The following TUB variants were observed in gnomAD, a reference collection of about 807,000 sequenced individuals.
TUB encodes tubby protein homolog.
In TUB, 33 loss-of-function variants were observed where a neutral mutation model predicts 59.7. That is an observed-to-expected ratio of 0.55 (90% CI 0.42 to 0.74). The LOEUF (loss-of-function observed/expected upper bound fraction) is 0.74, where lower values mean the gene tolerates loss of function less well. Ranked by LOEUF, TUB falls within the 30% of genes least tolerant of loss-of-function variation. The pLI, the probability that TUB is intolerant of heterozygous loss-of-function variation, is 0.00. For synonymous variants in TUB, 293 were observed against 256.4 expected (o/e 1.14, Z -1.36); for missense variants, 659 against 672.0 (o/e 0.98, Z 0.21).
chr11:8,064,739 GT>G (rs1187524627), intron 2 of TUB, among the ~76,000 whole-genome samples: 1 of 152,220 alleles, frequency 6.6e-6, no homozygotes, highest in Non-Finnish European at 1.5e-5. Context: ...TGCCATGGCT[GT>G]TGCAGACAGG....
At chr11:8,041,950 C>T (rs923425787) in intron 2 of TUB, among the ~76,000 whole-genome samples, 2 of 152,166 alleles carry the variant, frequency 1.3e-5, no homozygotes, top group African/African-American at 2.4e-5. Context: ...AATTCCTCCA[C>T]AACTATTTCA....
intron 2 of TUB, among the ~76,000 whole-genome samples, chr11:8,064,021 C>T (rs987082047): frequency 5.3e-5 from 8 of 152,072 alleles, no homozygotes; most frequent in Admixed American, 1.3e-4. Flanking sequence ...TCATTTGTCC[C>T]ACAGGGATAT....
At chr11:8,080,279 C>G (rs1309940382), upstream of TUB, among the ~76,000 whole-genome samples, 4 of 152,238 alleles carry the variant, frequency 2.6e-5, no homozygotes, top group Non-Finnish European at 5.9e-5. Flanking sequence ...CAGACCTCTC[C>G]CGGATCACCT....
In TUB at chr11:8,100,830, A is replaced by T. The variant is rs1436787135; in HGVS notation, c.1220A>T (p.His407Leu). 1.2e-6 allele frequency: 2 copies of T among 1,613,884 alleles called. No individual in the cohort carries two copies. Among genetic ancestry groups the T allele is most frequent in the African/African-American group, 2.7e-5 (2 of 74,930 alleles). The change falls in exon 11 of 12, where the codon CAT becomes CTT. Residue 407 changes from histidine to leucine, a missense_variant. Physicochemically the swap from His to Leu is moderately conservative, Grantham distance 99. Transcript: ENST00000299506. The part of the protein sequence containing the change: ...ERVSIRPRNE[H>L]ETLLARWQNK... ...CAGGTGAGGCTGCCCTCCCAGGAGC[A>T]TGAGACACTGCTAGCACGCTGGCAG...
chr11:8,043,877 T>C (rs547975059), intron 2 of TUB, among the ~76,000 whole-genome samples: 2 of 152,324 alleles, frequency 1.3e-5, no homozygotes, highest in African/African-American at 4.8e-5. Flanking sequence ...TGTTCCTTTC[T>C]AATCTGGATG....
Position 8,062,255 on chromosome 11 carries a change from G to A in TUB, c.203+22563G>A, listed in dbSNP as rs1589942055. On this transcript the variant is annotated intron_variant, in intron 2 of 12. Coordinates refer to the TUB transcript ENST00000305253. ...CCGTAAGTATGGCCTGGGCAGGTGG[G>A]GGCCGCGGGCCCCCACTGCCCCACC... is the stretch of plus-strand genomic sequence containing the variant. 5.9e-5 allele frequency: 9 copies of A among 152,656 alleles called. 2 individuals carry two copies. The South Asian group carries it at 1.9e-3, about 32-fold the overall frequency. 9.5% of individuals were successfully genotyped at this position (152,656 alleles called of 1,614,324 possible). A position where few individuals can be genotyped will look rare whatever the true frequency, so the allele number is the denominator to read the frequency against.
chr11:8,021,069 A>G (rs4758270), intron 1 of TUB, among the ~76,000 whole-genome samples: 65,462 of 152,112 alleles, frequency 0.43, 15,076 homozygotes, highest in East Asian at 0.7. Flanking sequence ...AGACTTTGGA[A>G]TTAGATAACC....
At chr11:8,062,949 T>A (rs1348829451) in intron 2 of TUB, among the ~76,000 whole-genome samples, 1 of 152,124 alleles carries the variant, frequency 6.6e-6, no homozygotes, top group East Asian at 1.9e-4. Flanking sequence ...GACATACTCT[T>A]CGGTAACCTT....
chr11:8,095,772 A>G, intron 5 of TUB, 107 bp downstream of exon 5: 1 of 1,242,704 alleles, frequency 8.0e-7, no homozygotes, highest in Admixed American at 2.4e-5. Flanking sequence ...CCTCCCTGGC[A>G]ATGGTGGGTG....
chr11:8,082,443 C>A (rs1409902260), intron 1 of TUB, among the ~76,000 whole-genome samples: 1 of 152,164 alleles, frequency 6.6e-6, no homozygotes, highest in African/African-American at 2.4e-5. Flanking sequence ...ATTCTATTAC[C>A]AGGGAAGGGA....
upstream of TUB, among the ~76,000 whole-genome samples, chr11:8,034,838 T>C (rs1364701577): frequency 2.0e-5 from 3 of 152,166 alleles, no homozygotes; most frequent in Admixed American, 2.0e-4. Flanking sequence ...TATGACTCAC[T>C]ATCACCCTGT....
chr11:8,083,056 G>A (rs1172917282), intron 1 of TUB, among the ~76,000 whole-genome samples: 2 of 152,250 alleles, frequency 1.3e-5, no homozygotes, highest in Non-Finnish European at 2.9e-5. Flanking sequence ...CCAGACAGAC[G>A]TCCAGGCTGG....
chr11:8,066,420 C>A (rs2133786748), intron 2 of TUB, among the ~76,000 whole-genome samples: 1 of 152,298 alleles, frequency 6.6e-6, no homozygotes, highest in East Asian at 1.9e-4. Context: ...GGGTTCAGCC[C>A]CTGTACAGCT....
chr11:8,058,351 C>A (rs138322869), intron 2 of TUB, among the ~76,000 whole-genome samples: 1 of 152,086 alleles, frequency 6.6e-6, no homozygotes, highest in African/African-American at 2.4e-5. Flanking sequence ...GTTGTGTCTG[C>A]GGGGTGGAAC....
intron 1 of TUB, 96 bp downstream of exon 1, chr11:8,081,644 C>T (rs2133814413): frequency 7.6e-7 from 1 of 1,321,018 alleles, no homozygotes; most frequent in Non-Finnish European, 9.8e-7. Flanking sequence ...CGCTGCCCTC[C>T]CCACCTATCC....
chr11:8,079,388 C>A (rs531198225), upstream of TUB, among the ~76,000 whole-genome samples: 149 of 152,250 alleles, frequency 9.8e-4, no homozygotes, highest in African/African-American at 3.3e-3. Context: ...AGGGTAGGGA[C>A]CAATCTCTGC....
rs776692649 is a variant in TUB, at chr11:8,096,721, A to T, written c.602A>T (p.Glu201Val). 1.9e-6 allele frequency: 3 copies of T among 1,613,880 alleles called. No homozygotes were observed. The highest frequency in any genetic ancestry group is 2.5e-6 in the Non-Finnish European group (3 of 1,179,822). ...AGCATGAGCTTTGACGAGGATGAGG[A>T]GGATGAGGAGGAGAATAGCTCCAGC... is the stretch of plus-strand genomic sequence containing the variant. Reference protein sequence around the residue: ...SSSMSFDEDEEDEEENSSSSS... With the variant: ...SSSMSFDEDEVDEEENSSSSS... The change falls in exon 6 of 12, where the codon GAG becomes GTG. Residue 201 changes from glutamate to valine, a missense_variant. By Grantham distance (121) the Glu-to-Val change is moderately radical (BLOSUM62 -2). Transcript: ENST00000299506.
At chr11:8,044,042 T>G (rs1412905974) in intron 2 of TUB, among the ~76,000 whole-genome samples, 1 of 152,074 alleles carries the variant, frequency 6.6e-6, no homozygotes, top group Non-Finnish European at 1.5e-5. Context: ...CAACAATTGA[T>G]TATGTGATGT....
chr11:8,083,354 C>T (rs1343335559), intron 1 of TUB, among the ~76,000 whole-genome samples: 1 of 152,112 alleles, frequency 6.6e-6, no homozygotes, highest in Non-Finnish European at 1.5e-5. Flanking sequence ...GAGGTTGGGC[C>T]AGGCCAAGAC....
Sources: gnomAD v4.1 joint callset for allele counts (sites outside exome capture counted in the v4.1 genomes callset) on GRCh38, gnomAD v4.1.1 for gene constraint, MANE v1.5 for transcripts, NCBI Gene and HGNC (gene_info 2026-07-23, HGNC 2026-07-21) for gene names.